NKAIN1: variants seen among roughly 807,000 people sequenced by gnomAD.
The protein encoded by NKAIN1 is sodium/potassium-transporting ATPase subunit beta-1-interacting protein 1.
NKAIN1 carries 13 observed loss-of-function variants against 31.6 expected under a neutral mutation model. That is an observed-to-expected ratio of 0.41 (90% confidence interval 0.27 to 0.65). NKAIN1 has a LOEUF of 0.65. Among genes scored for constraint, NKAIN1 ranks in the 30% least tolerant of loss-of-function variants. The pLI, the probability that NKAIN1 is intolerant of heterozygous loss-of-function variation, is 0.30. For synonymous variants in NKAIN1, 104 were observed against 109.0 expected (o/e 0.95, Z 0.28); for missense variants, 193 against 262.2 (o/e 0.74, Z 1.82).
chr1:31,206,095 C>T (rs984275334), intron 1 of NKAIN1, among the ~76,000 whole-genome samples: 11 of 149,272 alleles, frequency 7.4e-5, no homozygotes, highest in Non-Finnish European at 1.0e-4. Context: ...ATTAGCTGGG[C>T]GTGGTGGTGG....
At chr1:31,238,364 A>AG (rs1166645140) in intron 1 of NKAIN1, among the ~76,000 whole-genome samples, 5 of 152,242 alleles carry the variant, frequency 3.3e-5, no homozygotes, top group African/African-American at 1.2e-4. Flanking sequence ...GTCCAGCATG[A>AG]GGGGGGCTCA....
intron 1 of NKAIN1, among the ~76,000 whole-genome samples, chr1:31,202,640 G>A (rs1236895433): frequency 2.9e-5 from 4 of 137,288 alleles, no homozygotes; most frequent in East Asian, 2.2e-4. Flanking sequence ...TTGTGCCACC[G>A]CACTCCAGCC....
intron 1 of NKAIN1, among the ~76,000 whole-genome samples, chr1:31,222,003 T>G (rs1443367960): frequency 6.6e-6 from 1 of 152,096 alleles, no homozygotes; most frequent in African/African-American, 2.4e-5. Flanking sequence ...CTCAGCCTCC[T>G]GAGGAGCTGG....
chr1:31,203,499 T>C (rs1293789581), intron 1 of NKAIN1, among the ~76,000 whole-genome samples: 4 of 151,934 alleles, frequency 2.6e-5, no homozygotes, highest in Non-Finnish European at 5.9e-5. Flanking sequence ...CATCAAACTG[T>C]TAATTTGTTA....
At chr1:31,207,874 A>G (rs2148358004) in intron 1 of NKAIN1, among the ~76,000 whole-genome samples, 1 of 152,230 alleles carries the variant, frequency 6.6e-6, no homozygotes, top group East Asian at 1.9e-4. Flanking sequence ...TTTTACATAC[A>G]TGGATACTGA....
chr1:31,211,469 G>A (rs1645468633), intron 1 of NKAIN1, among the ~76,000 whole-genome samples: 1 of 152,180 alleles, frequency 6.6e-6, no homozygotes, highest in Admixed American at 6.6e-5. Flanking sequence ...AGACCTGTAT[G>A]CTGAAAACAA....
rs552311533 is a variant in NKAIN1 at position 31,218,724 on chromosome 1, C to A, written c.54+20770G>T. ...CTGTACCCTCCTCCTCACGTCCCCA[C>A]TTCCTGTCCTATTTGTCCCTGATAC... On this transcript the variant is annotated intron_variant, in intron 1 of 6. Coordinates refer to ENST00000373736, the MANE Select transcript of NKAIN1 (RefSeq NM_024522.3). Among the ~76,000 whole-genome samples the A allele has an allele frequency of 3.3e-5, 5 of 152,362 alleles. No homozygotes were observed. The South Asian group carries it at 1.0e-3, about 32-fold the overall frequency.
intron 1 of NKAIN1, chr1:31,193,959 A>G (rs944868585): frequency 6.6e-6 from 1 of 152,122 alleles, no homozygotes; most frequent in East Asian, 1.9e-4. Flanking sequence ...TTGCAAATGC[A>G]TGTGCACTGG....
intron 1 of NKAIN1, among the ~76,000 whole-genome samples, chr1:31,195,955 C>T (rs905006868): frequency 1.3e-5 from 2 of 149,824 alleles, no homozygotes; most frequent in African/African-American, 4.9e-5. Context: ...TCTATCTCAA[C>T]ACTCTCACCC....
chr1:31,204,821 G>A (rs773971132), intron 1 of NKAIN1, among the ~76,000 whole-genome samples: 1 of 152,132 alleles, frequency 6.6e-6, no homozygotes, highest in African/African-American at 2.4e-5. Context: ...TTCAGGAGTG[G>A]CTAGAGGGAT....
Position 31,182,520 on chromosome 1 carries a change from C to A in NKAIN1, c.532+10G>T, listed in dbSNP as rs774198122. On this transcript the variant is annotated intron_variant, in intron 5 of 6. Coordinates refer to ENST00000373736, the MANE Select transcript of NKAIN1 (RefSeq NM_024522.3). ...CAGATTCCCCACTTCCCCAGGGGCG[C>A]CTTACTCACAGCTGTCCTCCTCCTC... is the stretch of plus-strand genomic sequence containing the variant. 6.2e-7 allele frequency: 1 copy of A among 1,614,100 alleles called. No homozygotes were observed. The highest frequency in any genetic ancestry group is 1.7e-5 in the Admixed American group (1 of 60,018).
intron 1 of NKAIN1, among the ~76,000 whole-genome samples, chr1:31,203,286 A>G (rs1570462235): frequency 6.6e-6 from 1 of 152,044 alleles, no homozygotes; most frequent in East Asian, 1.9e-4. Context: ...AAATAAAATA[A>G]AATAAATAAA....
At chr1:31,183,025 T>C (rs1645214769) in intron 4 of NKAIN1, among the ~76,000 whole-genome samples, 1 of 152,070 alleles carries the variant, frequency 6.6e-6, no homozygotes, top group East Asian at 1.9e-4. Flanking sequence ...GGTCTCACTC[T>C]GTCACCCAGG....
chr1:31,212,420 T>TTTTG (rs1645477327), intron 1 of NKAIN1, among the ~76,000 whole-genome samples: 1 of 27,720 alleles, frequency 3.6e-5, no homozygotes, highest in African/African-American at 6.3e-5. Context: ...TTTTTTTTTT[T>TTTTG]AGGAGACAAG....
intron 1 of NKAIN1, among the ~76,000 whole-genome samples, chr1:31,211,872 G>C (rs1036236548): frequency 1.3e-5 from 2 of 152,106 alleles, no homozygotes; most frequent in Non-Finnish European, 2.9e-5. Context: ...AACCCAGGAG[G>C]CGGAGGTTGC....
At chr1:31,184,226 C>A (rs1645225520) in intron 3 of NKAIN1, among the ~76,000 whole-genome samples, 1 of 152,070 alleles carries the variant, frequency 6.6e-6, no homozygotes, top group Admixed American at 6.6e-5. Flanking sequence ...CTCACAGGGG[C>A]CTCAGAATTT....
intron 1 of NKAIN1, among the ~76,000 whole-genome samples, chr1:31,226,307 T>G (rs1645603789): frequency 8.2e-6 from 1 of 122,042 alleles, no homozygotes; most frequent in Non-Finnish European, 1.6e-5. Context: ...TACAGAGAAA[T>G]GCAGCAAAAA....
At chr1:31,220,754 C>CAA (rs772908877) in intron 1 of NKAIN1, among the ~76,000 whole-genome samples, 19,414 of 58,780 alleles carry the variant, frequency 0.33, 3,417 homozygotes, top group African/African-American at 0.56. Flanking sequence ...ACTCCATCTC[C>CAA]AAAAAAAAAA....
At chr1:31,185,087 T>C (rs1645232364) in intron 3 of NKAIN1, 160 bp downstream of exon 3, 1 of 628,584 alleles carries the variant, frequency 1.6e-6, no homozygotes, top group South Asian at 2.0e-5. Context: ...CAGAAATAAA[T>C]TGTGTAAGTA....
Sources: allele counts gnomAD v4.1 joint callset (sites outside exome capture counted in the v4.1 genomes callset), GRCh38; gene constraint gnomAD v4.1.1; transcripts MANE v1.5; gene names NCBI Gene and HGNC (gene_info 2026-07-23, HGNC 2026-07-21).